The following SLC2A8 variants were observed in gnomAD, a reference collection of about 807,000 sequenced individuals.
SLC2A8 encodes the protein solute carrier family 2 member 8, also known as solute carrier family 2, facilitated glucose transporter member 8.
SLC2A8 carries 53 observed loss-of-function variants against 49.2 expected under a neutral mutation model. The observed-to-expected ratio is 1.08, with a 90% confidence interval of 0.86 to 1.35. The LOEUF (loss-of-function observed/expected upper bound fraction) is 1.35, where lower values mean the gene tolerates loss of function less well. Ranked by LOEUF, SLC2A8 falls within the 40% of genes most tolerant of loss-of-function variation. The pLI, the probability that SLC2A8 is intolerant of heterozygous loss-of-function variation, is 0.00. For synonymous variants in SLC2A8, 299 were observed against 297.0 expected, an observed-to-expected ratio of 1.01 and a Z score of -0.07; for missense variants, 688 against 671.7, an observed-to-expected ratio of 1.02 and a Z score of -0.27.
At position 127,402,579 on chromosome 9, in the gene SLC2A8, G is replaced by C. The variant is rs1564216576; in HGVS notation, c.549G>C (p.Trp183Cys). 6.3e-7 allele frequency: 1 copy of C among 1,579,376 alleles called. No homozygotes were observed. Among genetic ancestry groups the C allele is most frequent in the Non-Finnish European group, 8.6e-7 (1 of 1,166,378 alleles). ...CAGGCTGGGTGCTGGAGTGGCGCTG[G>C]CTGGCTGTGCTGGGCTGCGTGCCCC... ...YLAGWVLEWR[W>C]LAVLGCVPPS... is the part of the protein sequence containing the mutation. Residue 183 changes from tryptophan to cysteine, a missense_variant, in exon 5 of 10, where the codon TGG becomes TGC. Trp to Cys is a radical substitution (Grantham distance 215). Transcript: ENST00000373371.
chr9:127,405,657 G>A, intron 9 of SLC2A8, 92 bp downstream of exon 9: 1 of 1,503,086 alleles, frequency 6.7e-7, no homozygotes, highest in Non-Finnish European at 9.0e-7. Context: ...CAGGGTCGTG[G>A]CCTTACATGC....
chr9:127,397,608 C>T (rs1241868065), intron 2 of SLC2A8, 70 bp downstream of exon 2: 12 of 1,363,256 alleles, frequency 8.8e-6, no homozygotes, highest in Non-Finnish European at 1.0e-5. Flanking sequence ...CATCGGGACC[C>T]TCCGCCCCCC....
chr9:127,397,623 T>G, intron 2 of SLC2A8, 85 bp downstream of exon 2: 1 of 1,328,284 alleles, frequency 7.5e-7, no homozygotes, highest in Non-Finnish European at 9.6e-7. Context: ...CCCCCCACCC[T>G]TCCCCTCGGG....
chr9:127,399,913 A>G lies in SLC2A8; in HGVS notation c.433A>G (p.Ile145Val). ...GVASLVAPVY[I>V]SEIAYPAVRG... Reference sequence around the variant, plus strand: ...CTCATCTGATTGCTGGCAGGTCTACATCTCCGAAATCGCCTACCCAGCAGT... The same window carrying G: ...CTCATCTGATTGCTGGCAGGTCTACGTCTCCGAAATCGCCTACCCAGCAGT... Residue 145 changes from isoleucine (I) to valine (V), a missense_variant, in exon 4 of 10, where the codon ATC (isoleucine) becomes GTC (valine). By Grantham distance (29) the Ile-to-Val change is conservative (BLOSUM62 3). Coordinates refer to ENST00000373371, the MANE Select transcript of SLC2A8 (RefSeq NM_014580.5). The surrounding 1 kb of genome is among the most constrained non-coding windows in gnomAD (Gnocchi z 4.2). 6.2e-7 allele frequency: 1 copy of G among 1,613,360 alleles called. No individual in the cohort carries two copies. The highest frequency in any genetic ancestry group is 8.5e-7 in the Non-Finnish European group (1 of 1,179,634).
In SLC2A8 at chr9:127,407,675, T is replaced by C. The variant is rs935808307; in HGVS notation, c.*426T>C. ...AGACTGACACAGAAAATCAGGTCAG[T>C]GTCTCTGGGCTTTGTGCAAGCTCAG... On this transcript the variant is annotated 3_prime_UTR_variant, in exon 10 of 10. Transcript: ENST00000373371. 4.1e-5 allele frequency: 14 copies of C among 342,122 alleles called. No individual in the cohort carries two copies. The highest frequency in any genetic ancestry group is 2.6e-4 in the African/African-American group (12 of 46,596). The allele number at this position is 342,122 out of a possible 1,614,324, so 21.2% of individuals were successfully genotyped here.
intron 4 of SLC2A8, among the ~76,000 whole-genome samples, chr9:127,401,792 A>G (rs1269281206): frequency 6.6e-6 from 1 of 152,224 alleles, no homozygotes; most frequent in Non-Finnish European, 1.5e-5. Flanking sequence ...CTGCACCCCC[A>G]GCACAGAAGA....
Position 127,403,648 on chromosome 9 carries a change from C to T in SLC2A8, c.724-12C>T, listed in dbSNP as rs773073482. The T allele has an allele frequency of 6.2e-7, 1 of 1,612,644 alleles. No individual in the cohort carries two copies. Among genetic ancestry groups the T allele is most frequent in the South Asian group, 1.1e-5 (1 of 91,078 alleles). On this transcript the variant is annotated splice_polypyrimidine_tract_variant and intron_variant, in intron 5 of 9. Transcript: ENST00000373371. ...AGAGAGAAATCCTGATGGCCAGTAT[C>T]CGTCAGAGCAGAGCTTTCACCTGGC...
rs397894101 is a variant in SLC2A8 at position 127,407,323 on chromosome 9, AG to A, written c.*78del. 1 of 1,581,396 alleles carries A rather than the reference AG, an allele frequency of 6.3e-7. No homozygotes were observed. Among genetic ancestry groups the A allele is most frequent in the South Asian group, 1.1e-5 (1 of 89,872 alleles). On this transcript the variant is annotated 3_prime_UTR_variant, in exon 10 of 10. Transcript: ENST00000373371. ...CAAGCCCAGAGCCCCTGCCTGCCCC[AG>A]GGGAGCCAGAATCCAGCCCCTTGGA...
intron 4 of SLC2A8, among the ~76,000 whole-genome samples, chr9:127,401,042 C>A (rs938229356): frequency 2.0e-5 from 3 of 152,218 alleles, no homozygotes; most frequent in African/African-American, 2.4e-5. Context: ...TTTCAGTGAG[C>A]TGAGATCGCG....
Position 127,403,656 on chromosome 9 carries a change from G to A in SLC2A8, c.724-4G>A. 1 of 1,612,852 alleles carries A rather than the reference G, an allele frequency of 6.2e-7. No homozygotes were observed. The highest frequency in any genetic ancestry group is 8.5e-7 in the Non-Finnish European group (1 of 1,179,946). ...ATCCTGATGGCCAGTATCCGTCAGA[G>A]CAGAGCTTTCACCTGGCCCTGCTGC... On this transcript the variant is annotated splice_polypyrimidine_tract_variant and splice_region_variant and intron_variant, in intron 5 of 9. Coordinates refer to ENST00000373371, the MANE Select transcript of SLC2A8 (RefSeq NM_014580.5).
At chr9:127,405,603 C>CACTTTCTAA (rs751369311) in intron 9 of SLC2A8, 38 bp downstream of exon 9, 2 of 1,610,630 alleles carry the variant, frequency 1.2e-6, no homozygotes, top group East Asian at 4.5e-5. Flanking sequence ...TTCGTGCAGT[C>CACTTTCTAA]AGCCGAGAAG....
At position 127,405,563 on chromosome 9, in the gene SLC2A8, A is replaced by C; in HGVS notation, c.1294A>C (p.Met432Leu). 6.2e-7 allele frequency: 1 copy of C among 1,613,074 alleles called. No homozygotes were observed. The highest frequency in any genetic ancestry group is 8.5e-7 in the Non-Finnish European group (1 of 1,179,954). The change falls in exon 9 of 10, where the codon ATG (methionine) becomes CTG (leucine). Residue 432 changes from methionine to leucine, a missense_variant and splice_region_variant. Coordinates refer to ENST00000373371, the MANE Select transcript of SLC2A8 (RefSeq NM_014580.5). ...CGTGACCAAGGAGTTCAGCAGCCTC[A>C]TGGTGAGGGCAGGCTCCACCAGCAC... Reference protein sequence around the residue: ...FLVTKEFSSLMEVLRPYGAFW... With the variant: ...FLVTKEFSSLLEVLRPYGAFW...
chr9:127,405,995 T>C (rs1315951427), intron 9 of SLC2A8: 1 of 523,350 alleles, frequency 1.9e-6, no homozygotes, highest in Non-Finnish European at 3.8e-6. Flanking sequence ...AGCAGCTTGC[T>C]CTTAAGACGG....
rs969712436 is a variant in SLC2A8 at position 127,403,522 on chromosome 9, G to A, written c.724-138G>A. The A allele has an allele frequency of 3.1e-6, 3 of 982,602 alleles. No homozygotes were observed. In the African/African-American group the frequency reaches 4.8e-5, roughly 16 times the overall value. 60.9% of individuals were successfully genotyped at this position (982,602 alleles called of 1,614,324 possible). A position where few individuals can be genotyped will look rare whatever the true frequency, so the allele number is the denominator to read the frequency against. ...GGCTGGGACTTGTCTGCACACCTGA[G>A]GACACAGGGGGTGCTGGGATGAGGA... On this transcript the variant is annotated intron_variant, in intron 5 of 9. Coordinates refer to ENST00000373371, the MANE Select transcript of SLC2A8 (RefSeq NM_014580.5).
In SLC2A8 at chr9:127,397,533, T is replaced by A. The variant is rs893046683; in HGVS notation, c.214T>A (p.Phe72Ile). Residue 72 changes from phenylalanine to isoleucine, a missense_variant, in exon 2 of 10, where the codon TTC becomes ATC. Phe to Ile is a conservative substitution (Grantham distance 21, BLOSUM62 0). Transcript: ENST00000373371. ...CCTGGACGACGCCGCCGCCTCCTGG[T>A]TCGGGGTGAGGCCCCGGGCTCGCTC... ...PRLDDAAASW[F>I]GAVVTLGAAA... 1.4e-6 allele frequency: 2 copies of A among 1,413,828 alleles called. No individual in the cohort carries two copies. Among genetic ancestry groups the A allele is most frequent in the African/African-American group, 3.0e-5 (2 of 65,986 alleles). 87.6% of individuals were successfully genotyped at this position (1,413,828 alleles called of 1,614,324 possible). A position where few individuals can be genotyped will look rare whatever the true frequency, so the allele number is the denominator to read the frequency against.
intron 4 of SLC2A8, among the ~76,000 whole-genome samples, chr9:127,401,996 C>T (rs1358278530): frequency 1.3e-5 from 2 of 152,214 alleles, no homozygotes; most frequent in African/African-American, 4.8e-5. Context: ...GTTCTTCATA[C>T]GTCAAGACAG....
At chr9:127,397,630 C>A in intron 2 of SLC2A8, 92 bp downstream of exon 2, 1 of 1,348,494 alleles carries the variant, frequency 7.4e-7, no homozygotes, top group Non-Finnish European at 9.5e-7. Context: ...CCCTTCCCCT[C>A]GGGACAGGCA....
intron 5 of SLC2A8, 55 bp from the exon 6 acceptor site, chr9:127,403,605 G>A (rs1274353745): frequency 1.2e-6 from 2 of 1,607,536 alleles, no homozygotes; most frequent in Non-Finnish European, 1.7e-6. Flanking sequence ...CCCAGAGGGG[G>A]GCCGCTTGCG....
intron 3 of SLC2A8, chr9:127,398,435 C>T: frequency 3.0e-6 from 2 of 667,970 alleles, no homozygotes; most frequent in East Asian, 6.2e-5. Flanking sequence ...TTTTGCTCTG[C>T]AAACCTGCGG....
Sources: gnomAD v4.1 joint callset for allele counts (sites outside exome capture counted in the v4.1 genomes callset) on GRCh38, gnomAD v4.1.1 for gene constraint, Gnocchi (gnomAD v3.1) non-coding constraint, MANE v1.5 for transcripts, NCBI Gene and HGNC (gene_info 2026-07-23, HGNC 2026-07-21) for gene names.